The following NOP10 variants were observed in gnomAD, a reference collection of about 807,000 sequenced individuals.
NOP10 encodes the protein H/ACA ribonucleoprotein complex subunit 3.
NOP10 carries 6 observed loss-of-function variants against 9.5 expected under a neutral mutation model. That is an observed-to-expected ratio of 0.63 (90% confidence interval 0.35 to 1.25). The LOEUF (loss-of-function observed/expected upper bound fraction) is 1.25, where lower values mean the gene tolerates loss of function less well. Among genes scored for constraint, NOP10 ranks in the 50% most tolerant of loss-of-function variants. The probability of loss-of-function intolerance (pLI) is 0.03; values close to 1 mark genes in which losing one functional copy is unlikely to be tolerated. For synonymous variants in NOP10, 28 were observed against 30.7 expected (o/e 0.91, Z 0.29); for missense variants, 75 against 81.3 (o/e 0.92, Z 0.30).
chr15:34,342,089 TG>T lies in NOP10; in HGVS notation c.73del (p.Gln25AsnfsTer32). ...AGCAGGATGGGCTGAGCAGGTCTGT[TG>T]TCCCATCGGGTCAAATTTCTGCTCC... ...YTLKKFDPMG[Q>X]QTCSAHPARF... On this transcript the variant is annotated frameshift_variant, in exon 2 of 2. Transcript: ENST00000328848. LOFTEE classifies it high-confidence loss of function. The T allele has an allele frequency of 1.9e-6, 3 of 1,614,094 alleles. No homozygotes were observed. Among genetic ancestry groups the T allele is most frequent in the Non-Finnish European group, 2.5e-6 (3 of 1,180,004 alleles).
Position 34,342,300 on chromosome 15 carries a change from G to A in NOP10, c.55-192C>T, listed in dbSNP as rs34639726. Reference sequence around the variant, plus strand: ...CGCCTGTAATCCTGGCACTTTGGGAGGTCGAGGCGGGAGGATGGTTTGAGA... The same window carrying A: ...CGCCTGTAATCCTGGCACTTTGGGAAGTCGAGGCGGGAGGATGGTTTGAGA... On this transcript the variant is annotated intron_variant, in intron 1 of 1. Transcript: ENST00000328848. 0.15 allele frequency among the ~76,000 whole-genome samples: 22,788 copies of A among 152,120 alleles called. 1,832 individuals are homozygous for A. The highest frequency in any genetic ancestry group is 0.33 in the East Asian group (1,686 of 5,142).
intron 1 of NOP10, 45 bp downstream of exon 1, chr15:34,342,975 T>A: frequency 6.4e-7 from 1 of 1,567,800 alleles, no homozygotes; most frequent in Non-Finnish European, 8.8e-7. Context: ...TCCTCCCATC[T>A]ACATTTCTCG....
In NOP10 at chr15:34,342,061, C is replaced by A. The variant is rs746979721; in HGVS notation, c.102G>T (p.Arg34=). 1.2e-6 allele frequency: 2 copies of A among 1,614,044 alleles called. No individual in the cohort carries two copies. The highest frequency in any genetic ancestry group is 2.2e-5 in the South Asian group (2 of 91,070). ...GQQTCSAHPA[R]FSPDDKYSRH... The stretch of plus-strand genomic sequence containing the variant: ...GAGAGTATTTGTCATCTGGGGAGAA[C>A]CGAGCAGGATGGGCTGAGCAGGTCT... The change falls in exon 2 of 2, where the codon CGG becomes CGT. Residue 34 remains arginine, a synonymous_variant. Transcript: ENST00000328848.
At position 34,342,095 on chromosome 15, in the gene NOP10, A is replaced by C; in HGVS notation, c.68T>G (p.Met23Arg). The C allele has an allele frequency of 6.2e-7, 1 of 1,614,128 alleles. No homozygotes were observed. The highest frequency in any genetic ancestry group is 8.5e-7 in the Non-Finnish European group (1 of 1,180,008). Residue 23 changes from methionine (M) to arginine (R), a missense_variant, in exon 2 of 2, where the codon ATG becomes AGG. Physicochemically the swap from Met to Arg is moderately conservative, Grantham distance 91. Transcript: ENST00000328848. Reference protein sequence around the residue: ...RVYTLKKFDPMGQQTCSAHPA... With the variant: ...RVYTLKKFDPRGQQTCSAHPA... ...ATGGGCTGAGCAGGTCTGTTGTCCC[A>C]TCGGGTCAAATTTCTGCTCCAGGAA...
chr15:34,342,071 T>C lies in NOP10; in HGVS notation c.92A>G (p.His31Arg), dbSNP rs373843596. The C allele has an allele frequency of 5.6e-6, 9 of 1,614,026 alleles. No individual in the cohort carries two copies. The highest frequency in any genetic ancestry group is 6.8e-6 in the Non-Finnish European group (8 of 1,179,998). ...DPMGQQTCSA[H>R]PARFSPDDKY... ...GTCATCTGGGGAGAACCGAGCAGGA[T>C]GGGCTGAGCAGGTCTGTTGTCCCAT... The change falls in exon 2 of 2, where the codon CAT becomes CGT. Residue 31 changes from histidine to arginine, a missense_variant. Physicochemically the swap from His to Arg is conservative, Grantham distance 29 (BLOSUM62 0). Coordinates refer to ENST00000328848, the MANE Select transcript of NOP10 (RefSeq NM_018648.4).
intron 1 of NOP10, among the ~76,000 whole-genome samples, 200 bp downstream of exon 1, chr15:34,342,820 T>C (rs1310140162): frequency 6.6e-6 from 1 of 152,202 alleles, no homozygotes; most frequent in Non-Finnish European, 1.5e-5. Flanking sequence ...GTGCTAGGAT[T>C]ACAGGCGGGA....
rs746040045 is a variant in NOP10, at chr15:34,343,083, T to C, written c.-10A>G. On this transcript the variant is annotated 5_prime_UTR_variant, in exon 1 of 2. Coordinates refer to ENST00000328848, the MANE Select transcript of NOP10 (RefSeq NM_018648.4). ...AATACTGGAGAAACATGATCGCTTA[T>C]AAGCCAGCGGTCCCAATTCGGTCCA... is the stretch of plus-strand genomic sequence containing the variant. The C allele has an allele frequency of 3.5e-5, 56 of 1,614,058 alleles. No homozygotes were observed. The East Asian group carries it at 4.2e-4, about 12-fold the overall frequency.
chr15:34,342,011 C>A lies in NOP10; in HGVS notation c.152G>T (p.Arg51Leu). The A allele has an allele frequency of 6.2e-7, 1 of 1,614,052 alleles. No homozygotes were observed. The highest frequency in any genetic ancestry group is 1.3e-5 in the African/African-American group (1 of 74,996). Residue 51 changes from arginine (R) to leucine (L), a missense_variant, in exon 2 of 2, where the codon CGC (arginine) becomes CTC (leucine). By Grantham distance (102) the Arg-to-Leu change is moderately radical. Coordinates refer to ENST00000328848, the MANE Select transcript of NOP10 (RefSeq NM_018648.4). Reference sequence around the variant, plus strand: ...TTGCTGGGTCATGAGCACCTTGAAGCGTTTCTTGATGGTGATTCGGTGTCG... The same window carrying A: ...TTGCTGGGTCATGAGCACCTTGAAGAGTTTCTTGATGGTGATTCGGTGTCG... ...YSRHRITIKK[R>L]FKVLMTQQPR...
In NOP10 at chr15:34,342,071, T is replaced by G. The variant is rs373843596; in HGVS notation, c.92A>C (p.His31Pro). ...DPMGQQTCSAHPARFSPDDKY... is the reference protein window; with the variant it reads ...DPMGQQTCSAPPARFSPDDKY... The stretch of plus-strand genomic sequence containing the variant: ...GTCATCTGGGGAGAACCGAGCAGGA[T>G]GGGCTGAGCAGGTCTGTTGTCCCAT... Residue 31 changes from histidine to proline, a missense_variant, in exon 2 of 2, where the codon CAT (histidine) becomes CCT (proline). Coordinates refer to ENST00000328848, the MANE Select transcript of NOP10 (RefSeq NM_018648.4). The G allele has an allele frequency of 6.2e-7, 1 of 1,613,908 alleles. No individual in the cohort carries two copies. Among genetic ancestry groups the G allele is most frequent in the Non-Finnish European group, 8.5e-7 (1 of 1,180,006 alleles).
At chr15:34,342,528 C>T (rs994883425) in intron 1 of NOP10, among the ~76,000 whole-genome samples, 5 of 146,272 alleles carry the variant, frequency 3.4e-5, no homozygotes, top group Admixed American at 1.4e-4. Flanking sequence ...CGCACCACCG[C>T]ACTACAGCCT....
Sources: allele counts gnomAD v4.1 joint callset (sites outside exome capture counted in the v4.1 genomes callset), GRCh38; gene constraint gnomAD v4.1.1; transcripts MANE v1.5; gene names NCBI Gene and HGNC (gene_info 2026-07-23, HGNC 2026-07-21).